DCLK3: variants seen among roughly 807,000 people sequenced by gnomAD.
DCLK3 encodes the protein serine/threonine-protein kinase DCLK3.
Under a neutral mutation model 46.4 loss-of-function variants are expected in DCLK3, and 30 were observed. The ratio of observed to expected loss-of-function variants is 0.65; its 90% CI spans 0.48 to 0.88. The LOEUF (loss-of-function observed/expected upper bound fraction) is 0.88. Among genes scored for constraint, DCLK3 ranks in the 40% least tolerant of loss-of-function variants. The probability of loss-of-function intolerance (pLI) is 0.00; values close to 1 mark genes in which losing one functional copy is unlikely to be tolerated. For synonymous variants in DCLK3, 401 were observed against 339.2 expected (o/e 1.18, Z -2.00); for missense variants, 846 against 907.1 (o/e 0.93, Z 0.87).
Position 36,718,188 on chromosome 3 carries a change from A to G in DCLK3, c.2093-11T>C. ...CCTCCAGTCCATAACCTGCGCAGAC[A>G]GAGGCAGAGACACAAGCAAACCTGA... On this transcript the variant is annotated splice_polypyrimidine_tract_variant and intron_variant, in intron 3 of 4. Coordinates refer to ENST00000636136, the MANE Select transcript of DCLK3 (RefSeq NM_001394672.2). The G allele has an allele frequency of 6.2e-7, 1 of 1,613,650 alleles. No individual in the cohort carries two copies. The highest frequency in any genetic ancestry group is 2.2e-5 in the East Asian group (1 of 44,884).
chr3:36,716,285 G>T (rs1700979133), intron 4 of DCLK3, among the ~76,000 whole-genome samples: 1 of 152,072 alleles, frequency 6.6e-6, no homozygotes, highest in South Asian at 2.1e-4. Context: ...TCCACTTTTT[G>T]TTGTTGTTAT....
At chr3:36,725,117 A>T (rs544786914) in intron 2 of DCLK3, among the ~76,000 whole-genome samples, 48 of 152,006 alleles carry the variant, frequency 3.2e-4, no homozygotes, top group African/African-American at 1.2e-3. Flanking sequence ...GATCAAGACC[A>T]TCCTGGCTAA....
chr3:36,759,029 T>C (rs1701513334), intron 1 of DCLK3, among the ~76,000 whole-genome samples: 1 of 152,242 alleles, frequency 6.6e-6, no homozygotes, highest in South Asian at 2.1e-4. Flanking sequence ...TATGTGGTCA[T>C]ATGAAAGCTC....
chr3:36,720,630 G>A (rs780246213), intron 3 of DCLK3, among the ~76,000 whole-genome samples: 8 of 150,704 alleles, frequency 5.3e-5, no homozygotes, highest in Non-Finnish European at 8.8e-5. Flanking sequence ...TCAGCCTCCC[G>A]AGTAGCTCAG....
intron 2 of DCLK3, among the ~76,000 whole-genome samples, chr3:36,722,456 C>A (rs976828449): frequency 3.3e-5 from 5 of 152,200 alleles, no homozygotes; most frequent in African/African-American, 1.2e-4. Flanking sequence ...TTATGCATTG[C>A]ATGCCTGTAT....
intron 4 of DCLK3, 87 bp downstream of exon 4, chr3:36,717,923 G>A: frequency 6.5e-7 from 1 of 1,540,904 alleles, no homozygotes; most frequent in Non-Finnish European, 8.9e-7. Context: ...GTCCAACTCT[G>A]CACCAGGCAC....
At chr3:36,752,596 A>T (rs1416837052) in intron 1 of DCLK3, among the ~76,000 whole-genome samples, 2 of 152,170 alleles carry the variant, frequency 1.3e-5, no homozygotes, top group Non-Finnish European at 2.9e-5. Flanking sequence ...AGGTGGCTGG[A>T]GTGTCTTGAA....
intron 1 of DCLK3, among the ~76,000 whole-genome samples, chr3:36,762,154 G>A (rs1463736222): frequency 6.6e-6 from 1 of 152,206 alleles, no homozygotes; most frequent in Non-Finnish European, 1.5e-5. Flanking sequence ...ACACCTGTCT[G>A]CCAATCCGTT....
intron 1 of DCLK3, among the ~76,000 whole-genome samples, chr3:36,755,910 C>T (rs1228442040): frequency 6.6e-6 from 1 of 152,198 alleles, no homozygotes; most frequent in African/African-American, 2.4e-5. Flanking sequence ...AAGGTGGCCC[C>T]AGCAGCAGAC....
intron 3 of DCLK3, among the ~76,000 whole-genome samples, chr3:36,720,311 A>G (rs527405797): frequency 3.3e-5 from 5 of 152,158 alleles, no homozygotes; most frequent in Non-Finnish European, 7.4e-5. Flanking sequence ...GGCTGGCACC[A>G]TGCTTGTACA....
chr3:36,734,641 T>C (rs1181084375), intron 2 of DCLK3, among the ~76,000 whole-genome samples: 3 of 152,098 alleles, frequency 2.0e-5, no homozygotes, highest in African/African-American at 4.8e-5. Flanking sequence ...TCAATTCCAA[T>C]AAACAAAAGC....
intron 1 of DCLK3, among the ~76,000 whole-genome samples, chr3:36,757,042 A>G (rs995264046): frequency 6.6e-6 from 1 of 152,068 alleles, no homozygotes; most frequent in Non-Finnish European, 1.5e-5. Context: ...CAATCTGCTC[A>G]TGTTGCTTCC....
chr3:36,733,174 C>G (rs1205410315), intron 2 of DCLK3, among the ~76,000 whole-genome samples: 1 of 152,172 alleles, frequency 6.6e-6, no homozygotes, highest in East Asian at 1.9e-4. Context: ...CCATCACCAC[C>G]ACCATCTCTC....
chr3:36,762,436 T>C (rs1173813625), intron 1 of DCLK3, among the ~76,000 whole-genome samples: 1 of 152,002 alleles, frequency 6.6e-6, no homozygotes, highest in East Asian at 1.9e-4. Context: ...CAAGAAAAAG[T>C]AGCAAGCCAA....
chr3:36,718,201 C>A (rs750683514), intron 3 of DCLK3, 24 bp from the exon 4 acceptor site: 1 of 1,613,040 alleles, frequency 6.2e-7, no homozygotes, highest in South Asian at 1.1e-5. Flanking sequence ...GGCAGAGACA[C>A]AAGCAAACCT....
chr3:36,737,397 G>A lies in DCLK3; in HGVS notation c.1770C>T (p.Tyr590=), dbSNP rs747084479. 84 of 1,614,036 alleles carry A rather than the reference G, an allele frequency of 5.2e-5. No homozygotes were observed. The South Asian group carries it at 6.0e-4, about 12-fold the overall frequency. The part of the protein sequence containing the change: ...HPNIVKLHEV[Y]ETDMEIYLIL... Reference sequence around the variant, plus strand: ...TCAGGTAGATTTCCATGTCTGTTTCGTAGACTTCATGCAATTTCACGATGT... The same window carrying A: ...TCAGGTAGATTTCCATGTCTGTTTCATAGACTTCATGCAATTTCACGATGT... The change falls in exon 2 of 5, where the codon TAC becomes TAT. Residue 590 remains tyrosine, a synonymous_variant. Coordinates refer to ENST00000636136, the MANE Select transcript of DCLK3 (RefSeq NM_001394672.2). The surrounding 1 kb of genome is among the most constrained non-coding windows in gnomAD (Gnocchi z 4.4).
intron 1 of DCLK3, among the ~76,000 whole-genome samples, chr3:36,760,671 A>G (rs1701531693): frequency 6.6e-6 from 1 of 152,218 alleles, no homozygotes; most frequent in African/African-American, 2.4e-5. Context: ...GGAGCTAGGG[A>G]GAAAAGCAGA....
intron 2 of DCLK3, among the ~76,000 whole-genome samples, chr3:36,734,277 C>T (rs756228750): frequency 5.9e-5 from 9 of 152,256 alleles, no homozygotes; most frequent in East Asian, 3.9e-4. Flanking sequence ...AACCAAAAAG[C>T]GCTGACATCA....
chr3:36,750,610 C>A (rs1040903892), intron 1 of DCLK3, among the ~76,000 whole-genome samples: 1 of 152,156 alleles, frequency 6.6e-6, no homozygotes, highest in African/African-American at 2.4e-5. Context: ...CAGATCCAAT[C>A]TAAAGAGGAC....
Sources: gnomAD v4.1 joint callset for allele counts (sites outside exome capture counted in the v4.1 genomes callset) on GRCh38, gnomAD v4.1.1 for gene constraint, Gnocchi (gnomAD v3.1) non-coding constraint, MANE v1.5 for transcripts, NCBI Gene and HGNC (gene_info 2026-07-23, HGNC 2026-07-21) for gene names.